Variants in OSBPL5 observed in about 807,000 individuals in gnomAD.
OSBPL5 encodes the protein oxysterol-binding protein-related protein 5.
A neutral mutation model predicts 111.2 loss-of-function variants in OSBPL5; 71 were observed. The observed-to-expected ratio is 0.64, with a 90% CI of 0.53 to 0.78. OSBPL5 has a LOEUF of 0.78. Among genes scored for constraint, OSBPL5 ranks in the 30% least tolerant of loss-of-function variants. The pLI, the probability that OSBPL5 is intolerant of heterozygous loss-of-function variation, is 0.00. For synonymous variants in OSBPL5, 549 were observed against 513.9 expected, an observed-to-expected ratio of 1.07 and a Z score of -0.93; for missense variants, 1,210 against 1,189.3, an observed-to-expected ratio of 1.02 and a Z score of -0.26.
chr11:3,102,172 G>A lies in OSBPL5; in HGVS notation c.1425+11C>T. On this transcript the variant is annotated intron_variant, in intron 12 of 21. Coordinates refer to ENST00000263650, the MANE Select transcript of OSBPL5 (RefSeq NM_020896.4). ...CAGCACCCAGGCCGGTTGCAGCAGAGGTGCTCTTGCCTGCTCTGCTATGTA... is the reference window on the plus strand; with the variant it reads ...CAGCACCCAGGCCGGTTGCAGCAGAAGTGCTCTTGCCTGCTCTGCTATGTA... The A allele has an allele frequency of 6.3e-7, 1 of 1,585,986 alleles. No homozygotes were observed. Among genetic ancestry groups the A allele is most frequent in the Non-Finnish European group, 8.6e-7 (1 of 1,166,654 alleles).
intron 1 of OSBPL5, among the ~76,000 whole-genome samples, chr11:3,132,052 T>TCCA (rs71035489): frequency 6.1e-5 from 8 of 131,894 alleles, no homozygotes; most frequent in African/African-American, 1.2e-4. Context: ...CATCCATCCA[T>TCCA]TCACCCACCT....
intron 1 of OSBPL5, among the ~76,000 whole-genome samples, chr11:3,164,805 G>C (rs919086626): frequency 6.6e-6 from 1 of 152,288 alleles, no homozygotes; most frequent in African/African-American, 2.4e-5. Flanking sequence ...GCCGAGCTGG[G>C]GGGACAGACC....
At chr11:3,125,009 C>T (rs1011319351) in intron 3 of OSBPL5, among the ~76,000 whole-genome samples, 47 of 152,338 alleles carry the variant, frequency 3.1e-4, no homozygotes, top group Non-Finnish European at 6.0e-4. Flanking sequence ...TGGGTCTGGT[C>T]ACTGCAGCCC....
Position 3,142,941 on chromosome 11 carries a change from T to G in OSBPL5, c.-21-13772A>C, listed in dbSNP as rs941704467. 1.4e-5 allele frequency among the ~76,000 whole-genome samples: 2 copies of G among 143,012 alleles called. No individual in the cohort carries two copies. Among genetic ancestry groups the G allele is most frequent in the East Asian group, 2.2e-4 (1 of 4,614 alleles). 93.8% of individuals were successfully genotyped at this position (143,012 alleles called of 152,430 possible). On this transcript the variant is annotated intron_variant, in intron 1 of 21. Transcript: ENST00000263650. This position sits in a 1 kb window ranked among gnomAD's most constrained non-coding sequence, Gnocchi z 7.1. ...GTGGGGGTGTGTGAGCAGAGACCCT[T>G]GGGACCCAGCATCTGGGTCTGGACG...
At chr11:3,099,862 A>G (rs1344982697) in intron 14 of OSBPL5, among the ~76,000 whole-genome samples, 1 of 152,078 alleles carries the variant, frequency 6.6e-6, no homozygotes, top group Non-Finnish European at 1.5e-5. Context: ...TGAGGTCGGG[A>G]GTTCGAGATC....
rs1024079623 is a variant in OSBPL5 at position 3,120,535 on chromosome 11, C to G, written c.492G>C (p.Gln164His). ...LLIYKTPKVG[Q>H]WVGTVLLHCC... is the part of the protein sequence containing the mutation. Reference sequence around the variant, plus strand: ...AGTGCAGCAGCACCGTGCCCACCCACTGGCCCACCTTGGGCGTCTTGTAGA... The same window carrying G: ...AGTGCAGCAGCACCGTGCCCACCCAGTGGCCCACCTTGGGCGTCTTGTAGA... Residue 164 changes from glutamine to histidine, a missense_variant, in exon 6 of 22, where the codon CAG (glutamine) becomes CAC (histidine). Coordinates refer to ENST00000263650, the MANE Select transcript of OSBPL5 (RefSeq NM_020896.4). 6.2e-7 allele frequency: 1 copy of G among 1,613,360 alleles called. No individual in the cohort carries two copies. The highest frequency in any genetic ancestry group is 8.5e-7 in the Non-Finnish European group (1 of 1,180,018).
In OSBPL5 at chr11:3,107,728, C is replaced by T. The variant is rs766472515; in HGVS notation, c.866+43G>A. The T allele has an allele frequency of 1.6e-5, 25 of 1,600,280 alleles. No homozygotes were observed. Among genetic ancestry groups the T allele is most frequent in the Non-Finnish European group, 1.7e-5 (20 of 1,175,660 alleles). ...CCCCTCTTCCTCGCCTACAAGGAGA[C>T]CCCGTGAATCACCACCAGCCCCTGT... On this transcript the variant is annotated intron_variant, in intron 8 of 21. Coordinates refer to ENST00000263650, the MANE Select transcript of OSBPL5 (RefSeq NM_020896.4). This position sits in a 1 kb window ranked among gnomAD's most constrained non-coding sequence, Gnocchi z 6.1.
In OSBPL5 at chr11:3,093,746, C is replaced by A; in HGVS notation, c.1809G>T (p.Trp603Cys). The change falls in exon 16 of 22, where the codon TGG becomes TGT. Residue 603 changes from tryptophan (W) to cysteine (C), a missense_variant and splice_region_variant. Transcript: ENST00000263650. ...EEVLASLSGH[W>C]DRDVFIKEEG... ...CCTGCCCTGAGGGACGGCCCCTTAC[C>A]CAGTGGCCACTGAGGCTCGCCAGGA... 6.2e-7 allele frequency: 1 copy of A among 1,613,062 alleles called. No homozygotes were observed. Among genetic ancestry groups the A allele is most frequent in the Non-Finnish European group, 8.5e-7 (1 of 1,179,980 alleles).
intron 3 of OSBPL5, among the ~76,000 whole-genome samples, chr11:3,125,914 G>A (rs1211639153): frequency 3.3e-5 from 5 of 152,186 alleles, no homozygotes; most frequent in Admixed American, 6.5e-5. Flanking sequence ...CTTGGGAGGC[G>A]GAGCTTGCAG....
chr11:3,094,049 G>T (rs556837069), intron 15 of OSBPL5, among the ~76,000 whole-genome samples, 188 bp downstream of exon 15: 1 of 152,304 alleles, frequency 6.6e-6, no homozygotes, highest in East Asian at 1.9e-4. Context: ...GGCTGGCTCT[G>T]CTGTGTGGCT....
chr11:3,096,972 G>GGGGGA (rs1857280346), intron 14 of OSBPL5, among the ~76,000 whole-genome samples: 2 of 80,974 alleles, frequency 2.5e-5, no homozygotes, highest in African/African-American at 4.9e-5. Flanking sequence ...GAAGAGGAAA[G>GGGGGA]AGGGGGAAGG....
rs140780891 is a variant in OSBPL5, at chr11:3,136,861, C to T, written c.-21-7692G>A. On this transcript the variant is annotated intron_variant, in intron 1 of 21. Transcript: ENST00000263650. ...GCAGGGGCCAGAAAAGCAGGAACTC[C>T]GCAGCCAGCCTTCAGCAGTAACATC... Among the ~76,000 whole-genome samples the T allele has an allele frequency of 6.4e-4, 98 of 152,354 alleles. 1 individual carries two copies. In the East Asian group the frequency reaches 0.016, roughly 25 times the overall value.
At chr11:3,150,002 G>A (rs1846521985) in intron 1 of OSBPL5, among the ~76,000 whole-genome samples, 1 of 152,130 alleles carries the variant, frequency 6.6e-6, no homozygotes, top group African/African-American at 2.4e-5. Context: ...ACAGATGCAT[G>A]CATGCACACA....
Position 3,161,212 on chromosome 11 carries a change from C to T in OSBPL5, c.-22+4004G>A, listed in dbSNP as rs1035486910. 3.9e-5 allele frequency: 6 copies of T among 152,226 alleles called. No individual in the cohort carries two copies. Among genetic ancestry groups the T allele is most frequent in the Admixed American group, 6.5e-5 (1 of 15,284 alleles). The allele number at this position is 152,226 out of a possible 1,614,324, so 9.4% of individuals were successfully genotyped here. A position where few individuals can be genotyped will look rare whatever the true frequency, so the allele number is the denominator to read the frequency against. On this transcript the variant is annotated intron_variant, in intron 1 of 21. Transcript: ENST00000263650. The surrounding 1 kb of genome is among the most constrained non-coding windows in gnomAD (Gnocchi z 8.0). ...CAACTTTCCCCTTCATCCTTGTCTT[C>T]GTGTCAGCAGGGTGAGAGGGGATCT...
In OSBPL5 at chr11:3,088,061, G is replaced by T; in HGVS notation, c.*144C>A. The T allele has an allele frequency of 1.3e-6, 1 of 753,450 alleles. No individual in the cohort carries two copies. Among genetic ancestry groups the T allele is most frequent in the Non-Finnish European group, 2.0e-6 (1 of 510,204 alleles). 46.7% of individuals were successfully genotyped at this position (753,450 alleles called of 1,614,324 possible). ...CACACCTGGGCCCGCAGCGCCTTGTGGCCCCGGGTCCCTCCTGCGCCTGGA... is the reference window on the plus strand; with the variant it reads ...CACACCTGGGCCCGCAGCGCCTTGTTGCCCCGGGTCCCTCCTGCGCCTGGA... On this transcript the variant is annotated 3_prime_UTR_variant, in exon 22 of 22. Transcript: ENST00000263650.
intron 1 of OSBPL5, among the ~76,000 whole-genome samples, chr11:3,137,462 G>A (rs1032262060): frequency 6.6e-6 from 1 of 152,216 alleles, no homozygotes; most frequent in African/African-American, 2.4e-5. Flanking sequence ...TTCTCGGAAT[G>A]CTCGCAAGGT....
Position 3,106,721 on chromosome 11 carries a change from C to T in OSBPL5, c.1059+542G>A, listed in dbSNP as rs1857707437. 1.3e-5 allele frequency among the ~76,000 whole-genome samples: 2 copies of T among 152,316 alleles called. No homozygotes were observed. The highest frequency in any genetic ancestry group is 4.1e-4 in the South Asian group (2 of 4,832). The stretch of plus-strand genomic sequence containing the variant: ...AGAGCCCATGGCCCGGTTTGCCTCC[C>T]TCACCTGCTCCCCAGCCTCCTCTTG... On this transcript the variant is annotated intron_variant, in intron 9 of 21. Transcript: ENST00000263650. The surrounding 1 kb of genome is among the most constrained non-coding windows in gnomAD (Gnocchi z 8.4).
At position 3,129,089 on chromosome 11, in the gene OSBPL5, AG is replaced by A; in HGVS notation, c.59del (p.Pro20LeufsTer102). 2 of 1,558,834 alleles carry A rather than the reference AG, an allele frequency of 1.3e-6. No homozygotes were observed. Among genetic ancestry groups the A allele is most frequent in the Non-Finnish European group, 8.7e-7 (1 of 1,153,754 alleles). On this transcript the variant is annotated frameshift_variant, in exon 2 of 22. Transcript: ENST00000263650. LOFTEE classifies it high-confidence loss of function. ...TGAGCTTCCGGGGGTCGACTTTCTGAGGGGTGGAGGAAGGTGGACACAGGGA... is the reference window on the plus strand; with the variant it reads ...TGAGCTTCCGGGGGTCGACTTTCTGAGGGTGGAGGAAGGTGGACACAGGGA... ...RFSLCPPSST[P>X]QKVDPRKLTR...
At position 3,115,973 on chromosome 11, in the gene OSBPL5, A is replaced by G. The variant is rs181836402; in HGVS notation, c.691+3574T>C. ...TACTTTGTAATATCAAGTGTTTTAA[A>G]CCTTTAAAATTTGACAAACTTTCCA... On this transcript the variant is annotated intron_variant, in intron 7 of 21. Coordinates refer to ENST00000263650, the MANE Select transcript of OSBPL5 (RefSeq NM_020896.4). 3.6e-4 allele frequency among the ~76,000 whole-genome samples: 54 copies of G among 151,670 alleles called. 2 individuals carry two copies. In the East Asian group the frequency reaches 9.5e-3, roughly 27 times the overall value.
Sources: allele counts gnomAD v4.1 joint callset (sites outside exome capture counted in the v4.1 genomes callset), GRCh38; gene constraint gnomAD v4.1.1; non-coding constraint Gnocchi (gnomAD v3.1); transcripts MANE v1.5; gene names NCBI Gene and HGNC (gene_info 2026-07-23, HGNC 2026-07-21).